C19orf25: variants seen among roughly 807,000 people sequenced by gnomAD.
The protein encoded by C19orf25 is chromosome 19 open reading frame 25.
Under a neutral mutation model 3.1 loss-of-function variants are expected in C19orf25, and 1 was observed. The observed-to-expected ratio is 0.32, with a 90% CI of 0.12 to 1.54. The LOEUF (loss-of-function observed/expected upper bound fraction) is 1.54. C19orf25 is among the 40% of genes most tolerant of loss of function. The pLI, the probability that C19orf25 is intolerant of heterozygous loss-of-function variation, is 0.38. For missense variants in C19orf25, 196 were observed against 160.4 expected, an observed-to-expected ratio of 1.22 and a Z score of -1.20; for synonymous variants, 91 against 74.3, an observed-to-expected ratio of 1.23 and a Z score of -1.16.
intron 1 of C19orf25, 57 bp from the exon 2 acceptor site, chr19:1,478,962 G>C: frequency 2.0e-6 from 3 of 1,486,974 alleles, no homozygotes; most frequent in Non-Finnish European, 2.7e-6. Flanking sequence ...CCTTGCCCGG[G>C]CTGCTCCTCC....
chr19:1,474,825 CAGGACGG>C lies in C19orf25; in HGVS notation c.*200_*206del, dbSNP rs1568192060. On this transcript the variant is annotated 3_prime_UTR_variant, in exon 3 of 3. Transcript: ENST00000585675. Reference sequence around the variant, plus strand: ...ACCCCAGTGGGGCCCTCAGGTCACGCAGGACGGAGCCAGCTGGGTGGGTCCCACCAAC... The same window carrying C: ...ACCCCAGTGGGGCCCTCAGGTCACGCAGCCAGCTGGGTGGGTCCCACCAAC... 2.1e-6 allele frequency: 3 copies of C among 1,453,230 alleles called. No homozygotes were observed. The highest frequency in any genetic ancestry group is 2.7e-6 in the Non-Finnish European group (3 of 1,104,444). 90.0% of individuals were successfully genotyped at this position (1,453,230 alleles called of 1,614,324 possible). A position where few individuals can be genotyped will look rare whatever the true frequency, so the allele number is the denominator to read the frequency against.
At chr19:1,478,420 T>G in intron 2 of C19orf25, 5 of 446,118 alleles carry the variant, frequency 1.1e-5, no homozygotes, top group South Asian at 1.3e-4. Context: ...CTGTTTTGTT[T>G]TTGTTTTTGT....
In C19orf25 at chr19:1,474,631, A is replaced by C; in HGVS notation, c.*401T>G. On this transcript the variant is annotated 3_prime_UTR_variant, in exon 3 of 3. Coordinates refer to ENST00000585675, the MANE Select transcript of C19orf25 (RefSeq NM_152482.3). ...GTGGGCACTCGCTGGATGGAATCAC[A>C]GTTAACACCTCGATCCCAACACCTG... The C allele has an allele frequency of 1.8e-6, 1 of 551,686 alleles. No homozygotes were observed. The highest frequency in any genetic ancestry group is 5.0e-4 in the Middle Eastern group (1 of 2,010). The allele number at this position is 551,686 out of a possible 1,614,324, so 34.2% of individuals were successfully genotyped here.
chr19:1,478,645 G>A lies in C19orf25; in HGVS notation c.130+129C>T, dbSNP rs1396385977. On this transcript the variant is annotated intron_variant, in intron 2 of 2. Transcript: ENST00000585675. ...GAGGAGTAGAGGGAGACTCGGAGAGGATACGGACCGTGCCCATGTTGCGGG... is the reference window on the plus strand; with the variant it reads ...GAGGAGTAGAGGGAGACTCGGAGAGAATACGGACCGTGCCCATGTTGCGGG... 4 of 1,493,722 alleles carry A rather than the reference G, an allele frequency of 2.7e-6. No homozygotes were observed. In the East Asian group the frequency reaches 1.0e-4, roughly 38 times the overall value. The allele number at this position is 1,493,722 out of a possible 1,614,324, so 92.5% of individuals were successfully genotyped here. A position where few individuals can be genotyped will look rare whatever the true frequency, so the allele number is the denominator to read the frequency against.
intron 2 of C19orf25, chr19:1,478,272 G>C (rs1276900648): frequency 6.1e-6 from 1 of 165,014 alleles, no homozygotes; most frequent in Non-Finnish European, 1.3e-5. Flanking sequence ...AGACAGTCTC[G>C]CACTGTCACC....
intron 2 of C19orf25, chr19:1,476,166 T>A (rs1482016554): frequency 5.0e-6 from 2 of 398,586 alleles, no homozygotes; most frequent in Non-Finnish European, 8.8e-6. Flanking sequence ...CAGCACCGAC[T>A]TCAGGGTCAC....
rs1459762871 is a variant in C19orf25 at position 1,474,955 on chromosome 19, T to G, written c.*77A>C. The stretch of plus-strand genomic sequence containing the variant: ...GGCTGGGACCCCGTGAATGCCAGTC[T>G]GGGGCCGACGGACCCCCAGGGAAAG... On this transcript the variant is annotated 3_prime_UTR_variant, in exon 3 of 3. Transcript: ENST00000585675. 1.3e-6 allele frequency: 2 copies of G among 1,530,940 alleles called. No homozygotes were observed. Among genetic ancestry groups the G allele is most frequent in the Admixed American group, 3.9e-5 (2 of 50,898 alleles). The allele number at this position is 1,530,940 out of a possible 1,614,324, so 94.8% of individuals were successfully genotyped here.
At chr19:1,478,717 G>C in intron 2 of C19orf25, 57 bp downstream of exon 2, 1 of 1,533,552 alleles carries the variant, frequency 6.5e-7, no homozygotes, top group Non-Finnish European at 8.8e-7. Context: ...CTTCTCTCCC[G>C]TCCCCTTGCT....
rs770127176 is a variant in C19orf25 at position 1,478,832 on chromosome 19, C to A, written c.72G>T (p.Leu24=). The A allele has an allele frequency of 6.3e-7, 1 of 1,596,488 alleles. No homozygotes were observed. Among genetic ancestry groups the A allele is most frequent in the Non-Finnish European group, 8.5e-7 (1 of 1,172,776 alleles). The change falls in exon 2 of 3, where the codon CTG becomes CTT. Residue 24 remains leucine (L), a synonymous_variant. Transcript: ENST00000585675. The stretch of plus-strand genomic sequence containing the variant: ...CTGCCGGCGCACCCCGCACATCCTC[C>A]AGGATCTGCTCCACCGTGGGGGGCG... ...RPAPPTVEQI[L]EDVRGAPAED...
chr19:1,474,484 T>A lies in C19orf25; in HGVS notation c.*548A>T. The A allele has an allele frequency of 4.5e-6, 1 of 220,674 alleles. No individual in the cohort carries two copies. The highest frequency in any genetic ancestry group is 9.0e-6 in the Non-Finnish European group (1 of 111,332). The allele number at this position is 220,674 out of a possible 1,614,324, so 13.7% of individuals were successfully genotyped here. ...TGGCTGGGTCTCAGGGCTGCTTCTC[T>A]TGGGTGACCCCAGCGGCCCAGGGTC... On this transcript the variant is annotated 3_prime_UTR_variant, in exon 3 of 3. Coordinates refer to ENST00000585675, the MANE Select transcript of C19orf25 (RefSeq NM_152482.3).
In C19orf25 at chr19:1,479,167, G is replaced by A. The variant is rs951051848; in HGVS notation, c.-7C>T. ...CAGTCGCCGGCCTCTTCCCACCTGG[G>A]CGCGGGACCCGAAAGCCCAGCGTCG... On this transcript the variant is annotated 5_prime_UTR_variant, in exon 1 of 3. Transcript: ENST00000585675. 3.9e-6 allele frequency: 5 copies of A among 1,280,056 alleles called. No individual in the cohort carries two copies. The South Asian group carries it at 7.3e-5, about 19-fold the overall frequency. 79.3% of individuals were successfully genotyped at this position (1,280,056 alleles called of 1,614,324 possible).
rs1000338202 is a variant in C19orf25, at chr19:1,474,357, A to G, written c.*675T>C. ...ACCTGCTGCAGCTGGCAGGGTGGCT[A>G]TGAGACTCAGGACACCCTGGGCTCC... On this transcript the variant is annotated 3_prime_UTR_variant, in exon 3 of 3. Coordinates refer to ENST00000585675, the MANE Select transcript of C19orf25 (RefSeq NM_152482.3). 2.6e-5 allele frequency: 4 copies of G among 153,444 alleles called. No individual in the cohort carries two copies. Among genetic ancestry groups the G allele is most frequent in the Admixed American group, 2.0e-4 (3 of 15,330 alleles). The allele number at this position is 153,444 out of a possible 1,614,324, so 9.5% of individuals were successfully genotyped here. A position where few individuals can be genotyped will look rare whatever the true frequency, so the allele number is the denominator to read the frequency against.
At chr19:1,476,638 C>G (rs955633060) in intron 2 of C19orf25, among the ~76,000 whole-genome samples, 3 of 152,208 alleles carry the variant, frequency 2.0e-5, no homozygotes, top group African/African-American at 7.2e-5. Context: ...AAACACAACT[C>G]AATTTTTCTC....
Position 1,479,185 on chromosome 19 carries a change from C to T in C19orf25, c.-25G>A, listed in dbSNP as rs746465168. ...CACCTGGGCGCGGGACCCGAAAGCC[C>T]AGCGTCGACGACGCAGCCACTTCCG... On this transcript the variant is annotated 5_prime_UTR_variant, in exon 1 of 3. Coordinates refer to ENST00000585675, the MANE Select transcript of C19orf25 (RefSeq NM_152482.3). The T allele has an allele frequency of 7.8e-7, 1 of 1,274,996 alleles. No homozygotes were observed. The highest frequency in any genetic ancestry group is 9.9e-7 in the Non-Finnish European group (1 of 1,011,472). The allele number at this position is 1,274,996 out of a possible 1,614,324, so 79.0% of individuals were successfully genotyped here.
intron 2 of C19orf25, 198 bp from the exon 3 acceptor site, chr19:1,475,456 G>C: frequency 1.7e-6 from 1 of 589,132 alleles, no homozygotes; most frequent in Non-Finnish European, 3.0e-6. Flanking sequence ...CGAGGCGGGA[G>C]GAACACTTGA....
rs2084179201 is a variant in C19orf25, at chr19:1,474,164, G to A, written c.*868C>T. ...GAGCCGCTCACAGAGGCACCATTCA[G>A]ACGGCCAGACACACACGAAAGCTTT... On this transcript the variant is annotated 3_prime_UTR_variant, in exon 3 of 3. Coordinates refer to ENST00000585675, the MANE Select transcript of C19orf25 (RefSeq NM_152482.3). The A allele has an allele frequency of 6.6e-6, 1 of 152,202 alleles. No individual in the cohort carries two copies. Among genetic ancestry groups the A allele is most frequent in the Non-Finnish European group, 1.5e-5 (1 of 68,060 alleles). 9.4% of individuals were successfully genotyped at this position (152,202 alleles called of 1,614,324 possible). A position where few individuals can be genotyped will look rare whatever the true frequency, so the allele number is the denominator to read the frequency against.
In C19orf25 at chr19:1,479,155, C is replaced by G. The variant is rs994867725; in HGVS notation, c.-3+8G>C. On this transcript the variant is annotated splice_region_variant and intron_variant, in intron 1 of 2. Coordinates refer to ENST00000585675, the MANE Select transcript of C19orf25 (RefSeq NM_152482.3). ...CCGCGGTCACCCCAGTCGCCGGCCT[C>G]TTCCCACCTGGGCGCGGGACCCGAA... 4 of 1,286,330 alleles carry G rather than the reference C, an allele frequency of 3.1e-6. No homozygotes were observed. The African/African-American group carries it at 6.2e-5, about 20-fold the overall frequency. 79.7% of individuals were successfully genotyped at this position (1,286,330 alleles called of 1,614,324 possible). A position where few individuals can be genotyped will look rare whatever the true frequency, so the allele number is the denominator to read the frequency against.
intron 2 of C19orf25, chr19:1,476,371 G>A (rs909855598): frequency 2.8e-5 from 11 of 398,106 alleles, no homozygotes; most frequent in African/African-American, 4.1e-5. Context: ...TTCTGTGAGC[G>A]CCCCCCGTCC....
intron 1 of C19orf25, 72 bp from the exon 2 acceptor site, chr19:1,478,977 C>T (rs2084236186): frequency 6.8e-6 from 10 of 1,460,322 alleles, no homozygotes; most frequent in Non-Finnish European, 9.0e-6. Context: ...TCCTCCCGCC[C>T]AGCGAACTCG....
Sources: allele counts gnomAD v4.1 joint callset (sites outside exome capture counted in the v4.1 genomes callset), GRCh38; gene constraint gnomAD v4.1.1; transcripts MANE v1.5; gene names NCBI Gene and HGNC (gene_info 2026-07-23, HGNC 2026-07-21).